TINAG: variants seen among roughly 807,000 people sequenced by gnomAD.
The protein encoded by TINAG is tubulointerstitial nephritis antigen.
A neutral mutation model predicts 72.7 loss-of-function variants in TINAG; 83 were observed. That is an observed-to-expected ratio of 1.14 (90% CI 0.96 to 1.37). TINAG has a LOEUF of 1.37. Among genes scored for constraint, TINAG ranks in the 40% most tolerant of loss-of-function variants. The pLI is 0.00. For missense variants in TINAG, 685 were observed against 576.6 expected, an observed-to-expected ratio of 1.19 and a Z score of -1.93; for synonymous variants, 234 against 189.9, an observed-to-expected ratio of 1.23 and a Z score of -1.91.
At chr6:54,379,129 G>A (rs1411944979) in intron 9 of TINAG, among the ~76,000 whole-genome samples, 8 of 152,170 alleles carry the variant, frequency 5.3e-5, no homozygotes, top group Admixed American at 5.2e-4. Flanking sequence ...GCTGTTGGAA[G>A]TTTGAATATT....
intron 1 of TINAG, among the ~76,000 whole-genome samples, chr6:54,318,016 C>T (rs1240601527): frequency 6.6e-6 from 1 of 151,758 alleles, no homozygotes; most frequent in Non-Finnish European, 1.5e-5. Flanking sequence ...TTCATGACAC[C>T]ACCCTCTCCT....
chr6:54,365,988 C>T (rs1277267473), intron 9 of TINAG, among the ~76,000 whole-genome samples: 1 of 151,522 alleles, frequency 6.6e-6, no homozygotes, highest in East Asian at 1.9e-4. Flanking sequence ...AACATAGAGA[C>T]CTTGTCTCAA....
intron 10 of TINAG, among the ~76,000 whole-genome samples, chr6:54,382,888 T>G (rs996912220): frequency 7.9e-5 from 12 of 152,124 alleles, no homozygotes; most frequent in Admixed American, 7.2e-4. Context: ...TCCATTATGA[T>G]GAGTTGAAGA....
intron 10 of TINAG, among the ~76,000 whole-genome samples, chr6:54,387,157 T>C (rs1043242538): frequency 1.3e-5 from 2 of 152,148 alleles, no homozygotes; most frequent in African/African-American, 2.4e-5. Flanking sequence ...TGTGAAAAGA[T>C]GGTCAATGTT....
At chr6:54,388,453 G>A (rs1764160706) in intron 10 of TINAG, among the ~76,000 whole-genome samples, 1 of 152,148 alleles carries the variant, frequency 6.6e-6, no homozygotes, top group African/African-American at 2.4e-5. Flanking sequence ...TAAAGTTGAT[G>A]TCATGGCAAT....
chr6:54,341,706 C>T (rs1301896598), intron 4 of TINAG, among the ~76,000 whole-genome samples: 1 of 151,974 alleles, frequency 6.6e-6, no homozygotes, highest in Non-Finnish European at 1.5e-5. Flanking sequence ...CCAACCAGAT[C>T]AGTAATATGA....
intron 9 of TINAG, among the ~76,000 whole-genome samples, chr6:54,365,856 G>A (rs1763394030): frequency 6.6e-6 from 1 of 151,496 alleles, no homozygotes; most frequent in African/African-American, 2.4e-5. Context: ...GAGAAATTTA[G>A]AGAATCCCTG....
At chr6:54,389,599 A>G (rs528593822) in intron 10 of TINAG, among the ~76,000 whole-genome samples, 192 bp from the exon 11 acceptor site, 1 of 152,308 alleles carries the variant, frequency 6.6e-6, no homozygotes, top group East Asian at 1.9e-4. Context: ...AATTCTGGCT[A>G]TTGCCATCAT....
chr6:54,312,768 T>G (rs890219861), intron 1 of TINAG, among the ~76,000 whole-genome samples: 1 of 152,220 alleles, frequency 6.6e-6, no homozygotes, highest in Middle Eastern at 3.2e-3. Context: ...CTTGAAAAAT[T>G]GAAAAATCTG....
At chr6:54,315,137 A>G (rs1056463486) in intron 1 of TINAG, among the ~76,000 whole-genome samples, 1 of 152,122 alleles carries the variant, frequency 6.6e-6, no homozygotes, top group Non-Finnish European at 1.5e-5. Flanking sequence ...TTCTATGATC[A>G]CTCACTGATC....
intron 9 of TINAG, among the ~76,000 whole-genome samples, chr6:54,378,050 G>T (rs557963940): frequency 7.2e-5 from 11 of 152,236 alleles, no homozygotes; most frequent in South Asian, 4.1e-4. Context: ...ACAGAGGAGA[G>T]GAGATAGCTG....
At chr6:54,376,595 C>T (rs1372898425) in intron 9 of TINAG, among the ~76,000 whole-genome samples, 1 of 152,040 alleles carries the variant, frequency 6.6e-6, no homozygotes, top group African/African-American at 2.4e-5. Context: ...AATAATTTTA[C>T]TATCTAGGCA....
At chr6:54,320,772 A>G in intron 2 of TINAG, 130 bp downstream of exon 2, 1 of 620,866 alleles carries the variant, frequency 1.6e-6, no homozygotes, top group Non-Finnish European at 2.7e-6. Context: ...ATAAGACATC[A>G]TGTACCTGTA....
intron 4 of TINAG, 94 bp from the exon 5 acceptor site, chr6:54,343,131 TA>T: frequency 8.9e-7 from 1 of 1,120,100 alleles, no homozygotes; most frequent in Non-Finnish European, 1.2e-6. Context: ...TAAAATAATT[TA>T]AAAAATAATT....
intron 7 of TINAG, among the ~76,000 whole-genome samples, chr6:54,350,479 T>G (rs1321653701): frequency 6.6e-6 from 1 of 151,750 alleles, no homozygotes. Flanking sequence ...GAGTTGGTTT[T>G]GACGTACTAC....
chr6:54,342,636 G>A (rs1046286683), intron 4 of TINAG, among the ~76,000 whole-genome samples: 7 of 152,072 alleles, frequency 4.6e-5, no homozygotes, highest in Non-Finnish European at 8.8e-5. Context: ...CCAAAGTGCT[G>A]GGATTACAGG....
chr6:54,373,397 A>G (rs937600356), intron 9 of TINAG, among the ~76,000 whole-genome samples: 1 of 152,054 alleles, frequency 6.6e-6, no homozygotes, highest in Admixed American at 6.6e-5. Flanking sequence ...TCGAAGGCCT[A>G]TTATGCCTTT....
At chr6:54,328,569 A>C (rs1784662766) in intron 4 of TINAG, among the ~76,000 whole-genome samples, 3 of 152,100 alleles carry the variant, frequency 2.0e-5, no homozygotes, top group Admixed American at 1.3e-4. Context: ...CTTCTTCTCC[A>C]AAGGATCACA....
intron 1 of TINAG, among the ~76,000 whole-genome samples, chr6:54,310,650 TTCTC>T (rs1395630441): frequency 1.3e-5 from 2 of 148,956 alleles, no homozygotes; most frequent in Non-Finnish European, 1.5e-5. Context: ...CTCTCTTTCT[TTCTC>T]TTTCTTTTTC....
Sources: allele counts gnomAD v4.1 joint callset (sites outside exome capture counted in the v4.1 genomes callset), GRCh38; gene constraint gnomAD v4.1.1; transcripts MANE v1.5; gene names NCBI Gene and HGNC (gene_info 2026-07-23, HGNC 2026-07-21).